Variants in PDE1A observed in about 807,000 individuals in gnomAD.
PDE1A encodes dual specificity calcium/calmodulin-dependent 3',5'-cyclic nucleotide phosphodiesterase 1A.
PDE1A carries 35 observed loss-of-function variants against 61.7 expected under a neutral mutation model. The ratio of observed to expected loss-of-function variants is 0.57; its 90% CI spans 0.43 to 0.75. The LOEUF (loss-of-function observed/expected upper bound fraction) is 0.75, where lower values mean the gene tolerates loss of function less well. PDE1A is among the 30% of genes least tolerant of loss of function. The pLI, the probability that PDE1A is intolerant of heterozygous loss-of-function variation, is 0.00. For synonymous variants in PDE1A, 232 were observed against 213.2 expected (o/e 1.09, Z -0.77); for missense variants, 597 against 630.6 (o/e 0.95, Z 0.57).
At chr2:182,595,328 C>T in the PDE1A span, among the ~76,000 whole-genome samples, 1 of 152,194 alleles carries the variant, frequency 6.6e-6, no homozygotes, top group African/African-American at 2.4e-5. Context: ...ACTTCATTAT[C>T]ATCACTAAAT....
the PDE1A span, among the ~76,000 whole-genome samples, chr2:182,595,074 G>C: frequency 1.3e-5 from 2 of 151,882 alleles, no homozygotes; most frequent in African/African-American, 2.4e-5. Context: ...TTTTCTTCTA[G>C]AAAAGAAATG....
chr2:182,627,798 G>T, the PDE1A span, among the ~76,000 whole-genome samples: 12 of 151,786 alleles, frequency 7.9e-5, no homozygotes, highest in African/African-American at 2.9e-4. Context: ...CAAAAATTTA[G>T]CCAGGCGTGG....
In PDE1A at chr2:182,476,086, G is replaced by T. The variant is rs553557719; in HGVS notation, c.101+46190C>A. Among the ~76,000 whole-genome samples the T allele has an allele frequency of 5.9e-5, 9 of 151,646 alleles. No homozygotes were observed. The East Asian group carries it at 1.6e-3, about 26-fold the overall frequency. On this transcript the variant is annotated intron_variant, in intron 2 of 14. Transcript: ENST00000410103. ...AGAAATACTATATTAATTTTAAAAG[G>T]GTTATTTTTATATTGTGACCAATTT...
chr2:182,339,957 T>C (rs966217956), intron 1 of PDE1A, among the ~76,000 whole-genome samples: 1 of 152,174 alleles, frequency 6.6e-6, no homozygotes, highest in Non-Finnish European at 1.5e-5. Context: ...TACTTTATTC[T>C]AGAGATGTAA....
chr2:182,283,121 T>A (rs1482340870), intron 1 of PDE1A, among the ~76,000 whole-genome samples: 1 of 152,024 alleles, frequency 6.6e-6, no homozygotes, highest in Non-Finnish European at 1.5e-5. Context: ...TCTTAAAGTA[T>A]AAACTGTCAA....
At chr2:182,326,699 A>C (rs1697068641) in intron 1 of PDE1A, among the ~76,000 whole-genome samples, 1 of 152,210 alleles carries the variant, frequency 6.6e-6, no homozygotes, top group Admixed American at 6.5e-5. Context: ...CAAATGTTTA[A>C]GCTGGTAAAT....
At chr2:182,298,939 A>G (rs1695058400) in intron 1 of PDE1A, among the ~76,000 whole-genome samples, 1 of 152,132 alleles carries the variant, frequency 6.6e-6, no homozygotes, top group Non-Finnish European at 1.5e-5. Flanking sequence ...TGAAAAAGCT[A>G]GTATTTGACT....
At chr2:182,333,834 C>A (rs1697592203) in intron 1 of PDE1A, among the ~76,000 whole-genome samples, 1 of 151,776 alleles carries the variant, frequency 6.6e-6, no homozygotes, top group African/African-American at 2.4e-5. Flanking sequence ...GACCACTAGC[C>A]AGACCAATAA....
chr2:182,457,176 C>T (rs557775353), intron 2 of PDE1A, among the ~76,000 whole-genome samples: 2 of 152,086 alleles, frequency 1.3e-5, no homozygotes, highest in African/African-American at 4.8e-5. Context: ...AGAGGAGAAA[C>T]TTACTGATTC....
chr2:182,302,509 A>G (rs1288351649), intron 1 of PDE1A, among the ~76,000 whole-genome samples: 1 of 152,234 alleles, frequency 6.6e-6, no homozygotes, highest in Non-Finnish European at 1.5e-5. Flanking sequence ...AAATGCTAAC[A>G]ATCTTCTGAG....
At chr2:182,493,232 CTT>C (rs371513720) in intron 2 of PDE1A, among the ~76,000 whole-genome samples, 1 of 144,026 alleles carries the variant, frequency 6.9e-6, no homozygotes, top group Non-Finnish European at 1.5e-5. Flanking sequence ...TCTCGACTAA[CTT>C]TTTTTTTTTT....
chr2:182,209,252 A>C (rs904094392), intron 7 of PDE1A, among the ~76,000 whole-genome samples: 5 of 152,054 alleles, frequency 3.3e-5, no homozygotes, highest in Non-Finnish European at 7.4e-5. Flanking sequence ...CGCAAGAGAG[A>C]GAATGAGAAC....
intron 10 of PDE1A, among the ~76,000 whole-genome samples, chr2:182,190,778 A>G (rs990025770): frequency 6.6e-6 from 1 of 152,102 alleles, no homozygotes; most frequent in Non-Finnish European, 1.5e-5. Flanking sequence ...CAACATGGTG[A>G]AACACCGTCT....
intron 13 of PDE1A, among the ~76,000 whole-genome samples, chr2:182,156,957 T>C (rs1017716266): frequency 2.7e-4 from 41 of 151,314 alleles, no homozygotes; most frequent in African/African-American, 9.4e-4. Flanking sequence ...CCTGTTATCA[T>C]TTTTGTTTCG....
chr2:182,188,926 G>C (rs1685466675), intron 11 of PDE1A, 53 bp downstream of exon 11: 1 of 1,203,222 alleles, frequency 8.3e-7, no homozygotes, highest in African/African-American at 1.5e-5. Flanking sequence ...TTACCCATTT[G>C]AAAACTGACA....
At chr2:182,249,350 C>G (rs776383952) in intron 2 of PDE1A, among the ~76,000 whole-genome samples, 1 of 152,158 alleles carries the variant, frequency 6.6e-6, no homozygotes, top group Non-Finnish European at 1.5e-5. Context: ...AAGGAACATA[C>G]TGGGAAGAGC....
intron 1 of PDE1A, among the ~76,000 whole-genome samples, chr2:182,410,388 G>A (rs553218822): frequency 5.3e-5 from 8 of 152,028 alleles, no homozygotes; most frequent in African/African-American, 1.9e-4. Context: ...ATAAATAAAT[G>A]AAAGAAAATG....
chr2:182,425,380 G>A (rs1482600416), intron 1 of PDE1A, among the ~76,000 whole-genome samples: 2 of 152,126 alleles, frequency 1.3e-5, no homozygotes, highest in African/African-American at 4.8e-5. Context: ...TATTTTGGGG[G>A]TCATTTTAGA....
chr2:182,511,371 C>G (rs1689775075), intron 2 of PDE1A, among the ~76,000 whole-genome samples: 1 of 152,064 alleles, frequency 6.6e-6, no homozygotes, highest in African/African-American at 2.4e-5. Flanking sequence ...TTGCCAAGCA[C>G]CAGGACTCAT....
Sources: allele counts gnomAD v4.1 joint callset (sites outside exome capture counted in the v4.1 genomes callset), GRCh38; gene constraint gnomAD v4.1.1; transcripts MANE v1.5; gene names NCBI Gene and HGNC (gene_info 2026-07-23, HGNC 2026-07-21).